Variants in RGCC observed in about 807,000 individuals in gnomAD.
The protein encoded by RGCC is regulator of cell cycle RGCC.
RGCC carries 15 observed loss-of-function variants against 15.4 expected under a neutral mutation model. That is an observed-to-expected ratio of 0.97 (90% CI 0.65 to 1.50). The LOEUF is 1.50. Ranked by LOEUF, RGCC falls within the 40% of genes most tolerant of loss-of-function variation. RGCC has a pLI of 0.00. For synonymous variants in RGCC, 81 were observed against 78.0 expected (o/e 1.04, Z -0.20); for missense variants, 176 against 189.7 (o/e 0.93, Z 0.42).
rs1178097916 is a variant in RGCC, at chr13:41,457,868, C to A, written c.49+112C>A. 4.5e-6 allele frequency: 6 copies of A among 1,321,490 alleles called. No homozygotes were observed. The highest frequency in any genetic ancestry group is 3.1e-5 in the East Asian group (1 of 32,238). The allele number at this position is 1,321,490 out of a possible 1,614,324, so 81.9% of individuals were successfully genotyped here. ...CCCCCCACCCTTCCATCCTCCCCGGCGGGAACCTGTCCCCGGTCTTCCCGC... is the reference window on the plus strand; with the variant it reads ...CCCCCCACCCTTCCATCCTCCCCGGAGGGAACCTGTCCCCGGTCTTCCCGC... On this transcript the variant is annotated intron_variant, in intron 1 of 4. Transcript: ENST00000379359. This position sits in a 1 kb window ranked among gnomAD's most constrained non-coding sequence, Gnocchi z 4.9.
chr13:41,458,766 C>T lies in RGCC; in HGVS notation c.235+296C>T, dbSNP rs2043806923. On this transcript the variant is annotated intron_variant, in intron 2 of 4. Coordinates refer to ENST00000379359, the MANE Select transcript of RGCC (RefSeq NM_014059.3). The surrounding 1 kb of genome is among the most constrained non-coding windows in gnomAD (Gnocchi z 4.4). ...CCTGCACCAGGCCTTTCCGCAGTTT[C>T]CCTCCTCTTCTCCTTTCCGTGCCTC... Among the ~76,000 whole-genome samples the T allele has an allele frequency of 1.3e-5, 2 of 152,164 alleles. No individual in the cohort carries two copies. The highest frequency in any genetic ancestry group is 1.3e-4 in the Admixed American group (2 of 15,266).
rs143319128 is a variant in RGCC at position 41,459,378 on chromosome 13, T to A, written c.235+908T>A. Among the ~76,000 whole-genome samples the A allele has an allele frequency of 6.6e-5, 10 of 152,374 alleles. No homozygotes were observed. The East Asian group carries it at 1.9e-3, about 29-fold the overall frequency. On this transcript the variant is annotated intron_variant, in intron 2 of 4. Coordinates refer to ENST00000379359, the MANE Select transcript of RGCC (RefSeq NM_014059.3). ...TATTCTTCAGCCTTTAATCCTTAGA[T>A]GGGTTACAGGCATGAATGTCACTCC...
chr13:41,469,301 G>T (rs56251196), intron 4 of RGCC, among the ~76,000 whole-genome samples: 10,261 of 65,446 alleles, frequency 0.16, 413 homozygotes, highest in Middle Eastern at 0.23. Context: ...ATAATAAGAA[G>T]AAGAAGAAGA....
At chr13:41,461,160 A>G (rs932939841) in intron 2 of RGCC, among the ~76,000 whole-genome samples, 21 of 152,072 alleles carry the variant, frequency 1.4e-4, no homozygotes, top group African/African-American at 5.1e-4. Flanking sequence ...ATAACTTCAC[A>G]TGGTGGGGTG....
chr13:41,470,342 T>C, intron 4 of RGCC, 136 bp from the exon 5 acceptor site: 1 of 856,528 alleles, frequency 1.2e-6, no homozygotes. Flanking sequence ...GTCATTCCAG[T>C]TAATCAGACA....
chr13:41,457,672 CA>C lies in RGCC; in HGVS notation c.-34del. The C allele has an allele frequency of 6.7e-7, 1 of 1,498,614 alleles. No homozygotes were observed. The highest frequency in any genetic ancestry group is 2.3e-5 in the Admixed American group (1 of 44,184). The allele number at this position is 1,498,614 out of a possible 1,614,324, so 92.8% of individuals were successfully genotyped here. A position where few individuals can be genotyped will look rare whatever the true frequency, so the allele number is the denominator to read the frequency against. ...GCCCCGGCTGCCACCTCGCAGGACC[CA>C]AGGCCACGCGCGCCGGGCCCAGCTG... On this transcript the variant is annotated 5_prime_UTR_variant, in exon 1 of 5. Coordinates refer to ENST00000379359, the MANE Select transcript of RGCC (RefSeq NM_014059.3). The surrounding 1 kb of genome is among the most constrained non-coding windows in gnomAD (Gnocchi z 4.9).
intron 3 of RGCC, among the ~76,000 whole-genome samples, chr13:41,467,862 C>T (rs567019358): frequency 9.2e-5 from 14 of 152,240 alleles, no homozygotes; most frequent in African/African-American, 2.9e-4. Context: ...AGATTTGTTA[C>T]CTGATCCTCA....
Position 41,457,727 on chromosome 13 carries a change from A to C in RGCC, c.20A>C (p.Gln7Pro). ...CGCCTCATGAAGCCGCCCGCGGCGC[A>C]GGGCAGCCCCGCGGCCGCCGCGGCC... MKPPAA[Q>P]GSPAAAAAAA... Residue 7 changes from glutamine to proline, a missense_variant, in exon 1 of 5, where the codon CAG becomes CCG. Transcript: ENST00000379359. This position sits in a 1 kb window ranked among gnomAD's most constrained non-coding sequence, Gnocchi z 4.9. The C allele has an allele frequency of 7.0e-7, 1 of 1,426,120 alleles. No homozygotes were observed. Among genetic ancestry groups the C allele is most frequent in the Non-Finnish European group, 9.1e-7 (1 of 1,095,142 alleles). The allele number at this position is 1,426,120 out of a possible 1,614,324, so 88.3% of individuals were successfully genotyped here. A position where few individuals can be genotyped will look rare whatever the true frequency, so the allele number is the denominator to read the frequency against.
intron 2 of RGCC, among the ~76,000 whole-genome samples, chr13:41,459,657 G>A (rs558244710): frequency 1.2e-3 from 177 of 152,382 alleles, no homozygotes; most frequent in African/African-American, 4.2e-3. Context: ...GGTGAAAGGG[G>A]ATGGAAGAAA....
At chr13:41,463,734 C>T (rs2043833781) in intron 2 of RGCC, among the ~76,000 whole-genome samples, 1 of 152,096 alleles carries the variant, frequency 6.6e-6, no homozygotes, top group Non-Finnish European at 1.5e-5. Context: ...ACAGTCCTGG[C>T]AATATTCTGG....
intron 2 of RGCC, among the ~76,000 whole-genome samples, chr13:41,459,559 C>G (rs1409798650): frequency 1.3e-5 from 2 of 152,206 alleles, no homozygotes; most frequent in Non-Finnish European, 2.9e-5. Flanking sequence ...CGCTCACCAC[C>G]CTGGTCAGGG....
At position 41,458,459 on chromosome 13, in the gene RGCC, G is replaced by T; in HGVS notation, c.224G>T (p.Ser75Ile). Residue 75 changes from serine (S) to isoleucine (I), a missense_variant, in exon 2 of 5, where the codon AGC becomes ATC. Coordinates refer to ENST00000379359, the MANE Select transcript of RGCC (RefSeq NM_014059.3). This position sits in a 1 kb window ranked among gnomAD's most constrained non-coding sequence, Gnocchi z 4.4. ...AGTGTCAGCGACAGCAGCGGCTTCA[G>T]CGACTCGGAGAGTAAGTGCGGCCCC... is the stretch of plus-strand genomic sequence containing the variant. The part of the protein sequence containing the change: ...SASVSDSSGF[S>I]DSESADSLYR... 1 of 1,597,160 alleles carries T rather than the reference G, an allele frequency of 6.3e-7. No homozygotes were observed. Among genetic ancestry groups the T allele is most frequent in the South Asian group, 1.1e-5 (1 of 89,746 alleles).
chr13:41,469,319 G>T (rs1006967840), intron 4 of RGCC, among the ~76,000 whole-genome samples: 3 of 140,982 alleles, frequency 2.1e-5, no homozygotes, highest in African/African-American at 5.0e-5. Flanking sequence ...AGAAGAAGAA[G>T]AAGAAGAAGA....
At chr13:41,463,293 G>A (rs535381221) in intron 2 of RGCC, among the ~76,000 whole-genome samples, 44 of 151,774 alleles carry the variant, frequency 2.9e-4, no homozygotes, top group African/African-American at 9.7e-4. Flanking sequence ...ATCATCACAG[G>A]GTGCGCCTCA....
At chr13:41,460,473 C>T (rs780555273) in intron 2 of RGCC, among the ~76,000 whole-genome samples, 13 of 152,110 alleles carry the variant, frequency 8.5e-5, no homozygotes, top group Non-Finnish European at 1.5e-4. Context: ...TTTTAGCAAA[C>T]GCTTGTTATG....
At chr13:41,466,110 T>TCA (rs891488953) in intron 2 of RGCC, among the ~76,000 whole-genome samples, 1 of 150,576 alleles carries the variant, frequency 6.6e-6, no homozygotes, top group African/African-American at 2.4e-5. Flanking sequence ...TCACATGCTC[T>TCA]CACACACACA....
At chr13:41,463,868 T>G (rs1324191867) in intron 2 of RGCC, among the ~76,000 whole-genome samples, 2 of 152,190 alleles carry the variant, frequency 1.3e-5, no homozygotes, top group Non-Finnish European at 2.9e-5. Context: ...CCTTTCCATA[T>G]CTAGATTGTT....
intron 4 of RGCC, among the ~76,000 whole-genome samples, chr13:41,469,975 T>G (rs1207473702): frequency 5.9e-5 from 9 of 152,092 alleles, no homozygotes; most frequent in Admixed American, 5.9e-4. Context: ...CTAGGAAAAT[T>G]TTGTCCCAGC....
chr13:41,462,154 C>A (rs909963049), intron 2 of RGCC, among the ~76,000 whole-genome samples: 16 of 152,154 alleles, frequency 1.1e-4, no homozygotes, highest in African/African-American at 3.9e-4. Flanking sequence ...TGGTTAATTA[C>A]TATAGTTTGC....
Sources: allele counts gnomAD v4.1 joint callset (sites outside exome capture counted in the v4.1 genomes callset), GRCh38; gene constraint gnomAD v4.1.1; non-coding constraint Gnocchi (gnomAD v3.1); transcripts MANE v1.5; gene names NCBI Gene and HGNC (gene_info 2026-07-23, HGNC 2026-07-21).